The following ROR1 variants were observed in gnomAD, a reference collection of about 807,000 sequenced individuals.
ROR1 encodes the protein ROR family WNT receptor 1.
A neutral mutation model predicts 78.8 loss-of-function variants in ROR1; 19 were observed. That is an observed-to-expected ratio of 0.24 (90% CI 0.17 to 0.35). ROR1 has a LOEUF of 0.35. Ranked by LOEUF, ROR1 falls within the 10% of genes least tolerant of loss-of-function variation. The probability of loss-of-function intolerance (pLI) is 1.00; values close to 1 mark genes in which losing one functional copy is unlikely to be tolerated. For synonymous variants in ROR1, 386 were observed against 433.6 expected (o/e 0.89, Z 1.36); for missense variants, 917 against 1,177.8 (o/e 0.78, Z 3.24).
rs185930977 is a variant in ROR1, at chr1:63,808,204, G to C, written c.91+33696G>C. Among the ~76,000 whole-genome samples, 214 of 152,248 alleles carry C rather than the reference G, an allele frequency of 1.4e-3. 1 individual carries two copies. The highest frequency in any genetic ancestry group is 2.5e-3 in the Non-Finnish European group (168 of 68,020). ...AGAGACATAAACAGAGGTGATAATT[G>C]TAACTTCCAACTTGTGCTTTAAAAG... On this transcript the variant is annotated intron_variant, in intron 1 of 8. Coordinates refer to ENST00000371079, the MANE Select transcript of ROR1 (RefSeq NM_005012.4).
intron 2 of ROR1, among the ~76,000 whole-genome samples, chr1:64,043,384 G>T (rs1193724316): frequency 6.6e-6 from 1 of 152,136 alleles, no homozygotes; most frequent in Non-Finnish European, 1.5e-5. Context: ...GTGCTGAGGG[G>T]AATACAAAAA....
At chr1:63,968,482 A>G (rs1195362259) in intron 1 of ROR1, among the ~76,000 whole-genome samples, 1 of 152,014 alleles carries the variant, frequency 6.6e-6, no homozygotes, top group African/African-American at 2.4e-5. Context: ...TTTTTTTACA[A>G]TGAGTATTAT....
intron 1 of ROR1, among the ~76,000 whole-genome samples, chr1:63,775,851 G>A (rs1356914072): frequency 6.6e-6 from 1 of 152,146 alleles, no homozygotes; most frequent in Non-Finnish European, 1.5e-5. Flanking sequence ...AGCTCCTGGG[G>A]GTAAATAGAG....
intron 4 of ROR1, among the ~76,000 whole-genome samples, chr1:64,052,296 C>G (rs920950431): frequency 2.6e-5 from 4 of 151,844 alleles, no homozygotes; most frequent in African/African-American, 9.7e-5. Context: ...TGTCTCCCAC[C>G]CTGGTACCTT....
At chr1:63,816,011 A>T (rs546980391) in intron 1 of ROR1, among the ~76,000 whole-genome samples, 1 of 152,290 alleles carries the variant, frequency 6.6e-6, no homozygotes, top group East Asian at 1.9e-4. Flanking sequence ...AATCATGCAG[A>T]ACACACAGTG....
intron 1 of ROR1, among the ~76,000 whole-genome samples, chr1:63,870,102 G>A (rs910330571): frequency 3.3e-5 from 5 of 152,152 alleles, no homozygotes; most frequent in Admixed American, 2.0e-4. Context: ...TAATATATTT[G>A]TGTGTTCACT....
intron 1 of ROR1, among the ~76,000 whole-genome samples, chr1:63,851,225 G>A (rs1367101359): frequency 6.6e-6 from 1 of 152,172 alleles, no homozygotes; most frequent in African/African-American, 2.4e-5. Flanking sequence ...TGATCCGCTA[G>A]CCTCGGCCTC....
chr1:63,836,380 T>A (rs956931219), intron 1 of ROR1, among the ~76,000 whole-genome samples: 14 of 152,206 alleles, frequency 9.2e-5, no homozygotes, highest in South Asian at 8.3e-4. Context: ...CCATAAATAG[T>A]GTCTATAGAT....
intron 1 of ROR1, among the ~76,000 whole-genome samples, chr1:63,786,841 C>A (rs556505000): frequency 6.6e-6 from 1 of 152,168 alleles, no homozygotes; most frequent in South Asian, 2.1e-4. Context: ...GCTCCACCTG[C>A]CCGAGGGAGA....
At chr1:63,820,137 A>G (rs2100283543) in intron 1 of ROR1, among the ~76,000 whole-genome samples, 1 of 152,346 alleles carries the variant, frequency 6.6e-6, no homozygotes, top group East Asian at 1.9e-4. Flanking sequence ...AATATCAGAT[A>G]TCATTTTGGT....
intron 4 of ROR1, among the ~76,000 whole-genome samples, chr1:64,079,463 G>T (rs1647081501): frequency 7.0e-6 from 1 of 141,910 alleles, no homozygotes; most frequent in Non-Finnish European, 1.5e-5. Context: ...AGAGAATCTT[G>T]ATTGGGATTT....
At chr1:63,935,592 G>A (rs1645787882) in intron 1 of ROR1, among the ~76,000 whole-genome samples, 1 of 152,146 alleles carries the variant, frequency 6.6e-6, no homozygotes, top group Non-Finnish European at 1.5e-5. Context: ...GGCCTCTTAG[G>A]ATTATATATA....
chr1:64,064,672 C>G (rs998233374), intron 4 of ROR1, among the ~76,000 whole-genome samples: 1 of 152,180 alleles, frequency 6.6e-6, no homozygotes, highest in Non-Finnish European at 1.5e-5. Context: ...CCTGCCCAAC[C>G]TTCAGGTAGA....
intron 1 of ROR1, among the ~76,000 whole-genome samples, chr1:63,974,256 C>A (rs1646140361): frequency 6.6e-6 from 1 of 152,058 alleles, no homozygotes; most frequent in African/African-American, 2.4e-5. Flanking sequence ...TGGCCTTGAG[C>A]AAATCTCTAT....
intron 1 of ROR1, among the ~76,000 whole-genome samples, chr1:64,001,987 G>C (rs1646387366): frequency 6.6e-6 from 1 of 152,030 alleles, no homozygotes; most frequent in African/African-American, 2.4e-5. Flanking sequence ...TTGTGGTGGG[G>C]GTGGTGGCTA....
At chr1:63,993,206 T>C (rs1646310199) in intron 1 of ROR1, among the ~76,000 whole-genome samples, 1 of 152,222 alleles carries the variant, frequency 6.6e-6, no homozygotes, top group South Asian at 2.1e-4. Flanking sequence ...GAGATGTTCA[T>C]TTCTGTTGCC....
chr1:64,090,200 T>C (rs1030694516), intron 4 of ROR1, among the ~76,000 whole-genome samples: 5 of 152,180 alleles, frequency 3.3e-5, no homozygotes, highest in Non-Finnish European at 5.9e-5. Context: ...TATTGTCTTC[T>C]CAATGTCCAG....
chr1:63,948,969 C>T (rs1314530344), intron 1 of ROR1, among the ~76,000 whole-genome samples: 1 of 152,208 alleles, frequency 6.6e-6, no homozygotes, highest in African/African-American at 2.4e-5. Flanking sequence ...TGAACTAAGA[C>T]ACACAGTAAA....
chr1:63,923,089 G>A (rs1007412476), intron 1 of ROR1, among the ~76,000 whole-genome samples: 1 of 152,178 alleles, frequency 6.6e-6, no homozygotes, highest in African/African-American at 2.4e-5. Context: ...AGATCACGGG[G>A]CTGAAATAAC....
Sources: allele counts gnomAD v4.1 joint callset (sites outside exome capture counted in the v4.1 genomes callset), GRCh38; gene constraint gnomAD v4.1.1; transcripts MANE v1.5; gene names NCBI Gene and HGNC (gene_info 2026-07-23, HGNC 2026-07-21).